The following ATAD3B variants were observed in gnomAD, a reference collection of about 807,000 sequenced individuals.
ATAD3B encodes ATPase family AAA domain containing 3B, also known as ATPase family AAA domain-containing protein 3B.
ATAD3B carries 59 observed loss-of-function variants against 70.2 expected under a neutral mutation model. The ratio of observed to expected loss-of-function variants is 0.84; its 90% CI spans 0.68 to 1.04. The LOEUF (loss-of-function observed/expected upper bound fraction) is 1.04, where lower values mean the gene tolerates loss of function less well. Among genes scored for constraint, ATAD3B ranks in the 50% least tolerant of loss-of-function variants. The pLI is 0.00. For missense variants in ATAD3B, 961 were observed against 913.4 expected, an observed-to-expected ratio of 1.05 and a Z score of -0.67; for synonymous variants, 423 against 388.6, an observed-to-expected ratio of 1.09 and a Z score of -1.04.
In ATAD3B at chr1:1,496,105, C is replaced by T; in HGVS notation, c.*288C>T. 1 of 1,176,482 alleles carries T rather than the reference C, an allele frequency of 8.5e-7. No homozygotes were observed. The highest frequency in any genetic ancestry group is 1.1e-6 in the Non-Finnish European group (1 of 949,048). The allele number at this position is 1,176,482 out of a possible 1,614,324, so 72.9% of individuals were successfully genotyped here. On this transcript the variant is annotated 3_prime_UTR_variant, in exon 16 of 16. Transcript: ENST00000673477. ...CAGCCATGGCCAGGGGCCACGGAACCCGGCAGGGGTGTCTGAGGCCGCCCT... is the reference window on the plus strand; with the variant it reads ...CAGCCATGGCCAGGGGCCACGGAACTCGGCAGGGGTGTCTGAGGCCGCCCT...
At chr1:1,494,690 C>G (rs1191500292) in intron 15 of ATAD3B, among the ~76,000 whole-genome samples, 3 of 151,998 alleles carry the variant, frequency 2.0e-5, no homozygotes, top group Non-Finnish European at 4.4e-5. Context: ...CCCTGCACCC[C>G]GTGAGATGAA....
intron 13 of ATAD3B, chr1:1,489,653 C>CTTAATT (rs1263533407): frequency 7.5e-7 from 1 of 1,337,602 alleles, no homozygotes; most frequent in Non-Finnish European, 9.9e-7. Context: ...TCCCAAATCC[C>CTTAATT]TTAATTTTGA....
the ATAD3B span, among the ~76,000 whole-genome samples, chr1:1,508,678 A>C: frequency 2.6e-5 from 4 of 151,468 alleles, 1 homozygote; most frequent in South Asian, 8.3e-4. Flanking sequence ...CCACAGCCCC[A>C]GCAGCTCCAG....
intron 2 of ATAD3B, 35 bp downstream of exon 2, chr1:1,477,385 C>A (rs764105641): frequency 3.1e-6 from 5 of 1,611,340 alleles, no homozygotes; most frequent in South Asian, 2.2e-5. Context: ...GAGGCCGGGG[C>A]GCACATGGGG....
At chr1:1,502,932 A>G in the ATAD3B span, among the ~76,000 whole-genome samples, 1 of 151,244 alleles carries the variant, frequency 6.6e-6, no homozygotes, top group Non-Finnish European at 1.5e-5. Flanking sequence ...ATAAATGTAT[A>G]AGCCACATCA....
chr1:1,480,770 G>C lies in ATAD3B; in HGVS notation c.445-97G>C, dbSNP rs1343044171. The C allele has an allele frequency of 2.6e-6, 4 of 1,564,480 alleles. 1 individual carries two copies. The East Asian group carries it at 9.6e-5, about 37-fold the overall frequency. On this transcript the variant is annotated intron_variant, in intron 4 of 15. Transcript: ENST00000673477. ...GGTCCCCAGGTGCCCAGGACGCTTG[G>C]AGTTCTGTGGTCCTGGGGCGGACGC...
At chr1:1,507,841 T>A in the ATAD3B span, among the ~76,000 whole-genome samples, 3 of 152,214 alleles carry the variant, frequency 2.0e-5, no homozygotes, top group South Asian at 2.1e-4. Context: ...GATTTTAGGT[T>A]CCCAGAAAAA....
At position 1,471,935 on chromosome 1, in the gene ATAD3B, G is replaced by T; in HGVS notation, c.51G>T (p.Gly17=). The T allele has an allele frequency of 1.6e-6, 2 of 1,241,062 alleles. No homozygotes were observed. The highest frequency in any genetic ancestry group is 2.0e-6 in the Non-Finnish European group (2 of 987,844). 76.9% of individuals were successfully genotyped at this position (1,241,062 alleles called of 1,614,324 possible). The change falls in exon 1 of 16, where the codon GGG becomes GGT. Residue 17 remains glycine (G), a synonymous_variant. Coordinates refer to ENST00000673477, the MANE Select transcript of ATAD3B (RefSeq NM_031921.6). ...VNKGPKGEGA[G]PPPPLPPAQP... ...AGGGCCCCAAGGGTGAAGGCGCGGG[G>T]CCGCCGCCGCCTTTGCCGCCCGCGC...
rs142658451 is a variant in ATAD3B at position 1,488,498 on chromosome 1, C to T, written c.1266+584C>T. 2.5e-3 allele frequency among the ~76,000 whole-genome samples: 379 copies of T among 151,860 alleles called. 1 individual carries two copies. The highest frequency in any genetic ancestry group is 8.3e-3 in the African/African-American group (346 of 41,502). On this transcript the variant is annotated intron_variant, in intron 12 of 15. Transcript: ENST00000673477. ...GGCCTTGGCCTGGCACAGTGGCTCA[C>T]GTGTGTAATCCCAGCACTTTGGGAG... is the stretch of plus-strand genomic sequence containing the variant.
chr1:1,488,062 C>A, intron 12 of ATAD3B, 148 bp downstream of exon 12: 2 of 1,173,570 alleles, frequency 1.7e-6, no homozygotes, highest in Non-Finnish European at 2.5e-6. Context: ...TCAAGCTGCT[C>A]TCCTGCCTCA....
chr1:1,476,266 T>G (rs1151487), intron 1 of ATAD3B, among the ~76,000 whole-genome samples: 1 of 144,286 alleles, frequency 6.9e-6, no homozygotes, highest in African/African-American at 2.7e-5. Context: ...AACACCAAAG[T>G]GTCGCTGCCT....
At chr1:1,484,948 G>T in intron 7 of ATAD3B, 68 bp from the exon 8 acceptor site, 1 of 1,531,646 alleles carries the variant, frequency 6.5e-7, no homozygotes, top group Non-Finnish European at 8.8e-7. Flanking sequence ...GGGCAGCCCC[G>T]TGCGTCTCCT....
At chr1:1,474,460 G>T (rs1401879078) in intron 1 of ATAD3B, among the ~76,000 whole-genome samples, 1 of 151,430 alleles carries the variant, frequency 6.6e-6, no homozygotes, top group African/African-American at 2.4e-5. Context: ...AAAGTGCTGG[G>T]ATTACAGACG....
At chr1:1,489,371 C>G in intron 13 of ATAD3B, 97 bp downstream of exon 13, 2 of 1,581,054 alleles carry the variant, frequency 1.3e-6, no homozygotes, top group Non-Finnish European at 1.7e-6. Flanking sequence ...TGCTGGGCAC[C>G]AGCTGTGGCC....
chr1:1,482,745 G>C (rs538355325), intron 7 of ATAD3B, 131 bp downstream of exon 7: 3 of 1,450,774 alleles, frequency 2.1e-6, no homozygotes, highest in African/African-American at 2.8e-5. Flanking sequence ...GCAAACCCAC[G>C]TTGTACCTGC....
Position 1,496,083 on chromosome 1 carries a change from C to A in ATAD3B, c.*266C>A. ...GGGGCGGCCTGAACCCTGCTTCCAG[C>A]CATGGCCAGGGGCCACGGAACCCGG... On this transcript the variant is annotated 3_prime_UTR_variant, in exon 16 of 16. Coordinates refer to ENST00000673477, the MANE Select transcript of ATAD3B (RefSeq NM_031921.6). 8.2e-7 allele frequency: 1 copy of A among 1,220,394 alleles called. No homozygotes were observed. The highest frequency in any genetic ancestry group is 1.0e-6 in the Non-Finnish European group (1 of 976,408). 75.6% of individuals were successfully genotyped at this position (1,220,394 alleles called of 1,614,324 possible).
chr1:1,507,297 A>G, the ATAD3B span, among the ~76,000 whole-genome samples: 1 of 152,052 alleles, frequency 6.6e-6, no homozygotes, highest in Non-Finnish European at 1.5e-5. Flanking sequence ...TGAGTATGTC[A>G]CCTGTGGGCT....
intron 12 of ATAD3B, among the ~76,000 whole-genome samples, chr1:1,488,405 G>A (rs186828914): frequency 2.6e-5 from 4 of 151,976 alleles, no homozygotes; most frequent in South Asian, 2.1e-4. Flanking sequence ...TTTTTGTAAC[G>A]TTAGTAGAGA....
intron 4 of ATAD3B, among the ~76,000 whole-genome samples, chr1:1,479,902 A>C (rs1458389789): frequency 7.0e-6 from 1 of 141,932 alleles, no homozygotes; most frequent in Non-Finnish European, 1.5e-5. Context: ...ACACGCCCAC[A>C]CACACGGGCG....
Sources: gnomAD v4.1 joint callset for allele counts (sites outside exome capture counted in the v4.1 genomes callset) on GRCh38, gnomAD v4.1.1 for gene constraint, MANE v1.5 for transcripts, NCBI Gene and HGNC (gene_info 2026-07-23, HGNC 2026-07-21) for gene names.